STK3: variants seen among roughly 807,000 people sequenced by gnomAD.
STK3 encodes the protein serine/threonine-protein kinase 3.
A neutral mutation model predicts 58.0 loss-of-function variants in STK3; 41 were observed. The observed-to-expected ratio is 0.71, with a 90% CI of 0.55 to 0.92. The LOEUF is 0.92. Among genes scored for constraint, STK3 ranks in the 40% least tolerant of loss-of-function variants. The pLI, the probability that STK3 is intolerant of heterozygous loss-of-function variation, is 0.00. For missense variants in STK3, 479 were observed against 602.7 expected (o/e 0.79, Z 2.15); for synonymous variants, 170 against 191.0 (o/e 0.89, Z 0.91).
At chr8:98,714,230 T>C (rs931162824) in intron 4 of STK3, among the ~76,000 whole-genome samples, 3 of 152,222 alleles carry the variant, frequency 2.0e-5, no homozygotes, top group African/African-American at 7.2e-5. Context: ...AAGACAGGGA[T>C]GCCCTCTCTC....
At chr8:98,655,876 G>A (rs909297045) in intron 6 of STK3, among the ~76,000 whole-genome samples, 9 of 152,258 alleles carry the variant, frequency 5.9e-5, no homozygotes, top group East Asian at 3.9e-4. Flanking sequence ...GAACACTTTT[G>A]CACTGTTGGT....
At chr8:98,664,565 T>C (rs1364808510) in intron 6 of STK3, among the ~76,000 whole-genome samples, 1 of 152,236 alleles carries the variant, frequency 6.6e-6, no homozygotes, top group East Asian at 1.9e-4. Flanking sequence ...GAACCAGGTC[T>C]TGACTCTTTA....
intron 2 of STK3, among the ~76,000 whole-genome samples, chr8:98,435,844 C>T (rs1483634379): frequency 6.6e-6 from 1 of 152,120 alleles, no homozygotes; most frequent in African/African-American, 2.4e-5. Context: ...AGAAGGGGCC[C>T]TTGGGGATGA....
downstream of STK3, among the ~76,000 whole-genome samples, chr8:98,399,005 C>A (rs1371012308): frequency 1.3e-5 from 2 of 152,168 alleles, no homozygotes; most frequent in African/African-American, 4.8e-5. Context: ...AGGTCCTGGT[C>A]CCCAGCATGG....
At chr8:98,534,622 G>A (rs1209622929) in intron 9 of STK3, among the ~76,000 whole-genome samples, 1 of 152,154 alleles carries the variant, frequency 6.6e-6, no homozygotes, top group Non-Finnish European at 1.5e-5. Flanking sequence ...TTAATTTGAT[G>A]GGTTACATTA....
At chr8:98,657,053 A>C (rs2130763022) in intron 6 of STK3, among the ~76,000 whole-genome samples, 1 of 152,270 alleles carries the variant, frequency 6.6e-6, no homozygotes, top group Middle Eastern at 3.4e-3. Flanking sequence ...AGACAAAGAC[A>C]GACAATAAGC....
intron 6 of STK3, chr8:98,597,367 A>T (rs1815919267): frequency 1.0e-6 from 1 of 984,980 alleles, no homozygotes; most frequent in Non-Finnish European, 1.2e-6. Flanking sequence ...CTTTCAAAAA[A>T]CGTAAATTCT....
intron 1 of STK3, among the ~76,000 whole-genome samples, chr8:98,386,369 C>T (rs1424234094): frequency 1.3e-5 from 2 of 152,052 alleles, no homozygotes; most frequent in Non-Finnish European, 2.9e-5. Context: ...TTTATTATTA[C>T]TGAAATACAT....
intron 6 of STK3, among the ~76,000 whole-genome samples, chr8:98,614,611 G>T (rs868669370): frequency 6.7e-6 from 1 of 149,670 alleles, no homozygotes; most frequent in Non-Finnish European, 1.5e-5. Flanking sequence ...CGCACCGTGC[G>T]CGAGCCGAAG....
chr8:98,576,348 GTTC>G (rs2131709843), intron 8 of STK3, among the ~76,000 whole-genome samples: 2 of 152,262 alleles, frequency 1.3e-5, no homozygotes, highest in South Asian at 4.1e-4. Context: ...TTCTAACATG[GTTC>G]TTCTTTTTTG....
chr8:98,621,065 G>C (rs1011111414), intron 6 of STK3, among the ~76,000 whole-genome samples: 4 of 151,198 alleles, frequency 2.6e-5, no homozygotes, highest in African/African-American at 7.3e-5. Flanking sequence ...AAGTAGCTGG[G>C]ACTACAGGCG....
chr8:98,892,480 A>G (rs1442309043), intron 1 of STK3, among the ~76,000 whole-genome samples: 1 of 152,158 alleles, frequency 6.6e-6, no homozygotes, highest in African/African-American at 2.4e-5. Context: ...TGGGGTTTAC[A>G]AGCCCTTATG....
chr8:98,344,914 A>AG, the STK3 span, among the ~76,000 whole-genome samples: 58 of 149,430 alleles, frequency 3.9e-4, 1 homozygote, highest in African/African-American at 1.4e-3. Context: ...AAAAAAAAAA[A>AG]AAAAGAAAAT....
chr8:98,907,555 A>C (rs779133782), intron 1 of STK3, among the ~76,000 whole-genome samples: 8 of 151,888 alleles, frequency 5.3e-5, no homozygotes, highest in Non-Finnish European at 1.2e-4. Flanking sequence ...ACAACTATCA[A>C]CTCATGGCCA....
intron 3 of STK3, among the ~76,000 whole-genome samples, chr8:98,863,267 T>C (rs905659077): frequency 6.6e-6 from 1 of 152,208 alleles, no homozygotes; most frequent in Non-Finnish European, 1.5e-5. Flanking sequence ...ATTTGCCTTT[T>C]TGTTTTATTT....
chr8:98,811,832 T>C (rs1170314143), intron 1 of STK3, among the ~76,000 whole-genome samples: 1 of 152,242 alleles, frequency 6.6e-6, no homozygotes, highest in Non-Finnish European at 1.5e-5. Flanking sequence ...GGTTTTGTTG[T>C]TGTTTTTTGA....
chr8:98,683,813 T>C (rs1823795384), intron 6 of STK3, among the ~76,000 whole-genome samples: 1 of 152,152 alleles, frequency 6.6e-6, no homozygotes, highest in Non-Finnish European at 1.5e-5. Flanking sequence ...TATGCTATGA[T>C]AAAGAAAATA....
chr8:98,760,123 C>A (rs963418765), intron 3 of STK3, among the ~76,000 whole-genome samples: 1 of 151,740 alleles, frequency 6.6e-6, no homozygotes, highest in East Asian at 1.9e-4. Flanking sequence ...AGAGGGCTAA[C>A]TGTAGTTTTG....
At chr8:98,354,503 G>A in the STK3 span, among the ~76,000 whole-genome samples, 34 of 152,290 alleles carry the variant, frequency 2.2e-4, no homozygotes, top group Admixed American at 6.5e-4. Context: ...AAACAGTGTC[G>A]GTGATGATTT....
Sources: gnomAD v4.1 joint callset for allele counts (sites outside exome capture counted in the v4.1 genomes callset) on GRCh38, gnomAD v4.1.1 for gene constraint, MANE v1.5 for transcripts, NCBI Gene and HGNC (gene_info 2026-07-23, HGNC 2026-07-21) for gene names.